Variants in DAPK1 observed in about 807,000 individuals in gnomAD.
DAPK1 encodes the protein death associated protein kinase 1.
DAPK1 carries 56 observed loss-of-function variants against 144.9 expected under a neutral mutation model. That is an observed-to-expected ratio of 0.39 (90% CI 0.31 to 0.48). The LOEUF (loss-of-function observed/expected upper bound fraction) is 0.48, where lower values mean the gene tolerates loss of function less well. Ranked by LOEUF, DAPK1 falls within the 20% of genes least tolerant of loss-of-function variation. The pLI is 0.95. For synonymous variants in DAPK1, 690 were observed against 749.0 expected (o/e 0.92, Z 1.29); for missense variants, 1,454 against 1,875.4 (o/e 0.78, Z 4.15).
chr9:87,605,385 G>A (rs1828679643), intron 3 of DAPK1, among the ~76,000 whole-genome samples: 1 of 152,186 alleles, frequency 6.6e-6, no homozygotes, highest in Non-Finnish European at 1.5e-5. Flanking sequence ...TCCCATCACT[G>A]TGGTTCCACC....
At chr9:87,564,710 A>T (rs1827054706) in intron 2 of DAPK1, among the ~76,000 whole-genome samples, 1 of 152,136 alleles carries the variant, frequency 6.6e-6, no homozygotes, top group Non-Finnish European at 1.5e-5. Flanking sequence ...CATCTTCTTA[A>T]TCTGGAACCA....
intron 16 of DAPK1, 121 bp from the exon 17 acceptor site, chr9:87,651,406 G>A: frequency 2.1e-6 from 2 of 936,682 alleles, no homozygotes; most frequent in Non-Finnish European, 3.4e-6. Flanking sequence ...TCCTCCACTA[G>A]GGCTTTTAGT....
intron 3 of DAPK1, among the ~76,000 whole-genome samples, chr9:87,610,929 C>T (rs75009044): frequency 0.023 from 3,429 of 152,272 alleles, 136 homozygotes; most frequent in African/African-American, 0.078. Flanking sequence ...TGTACACAAT[C>T]CAAATTCTAG....
intron 11 of DAPK1, among the ~76,000 whole-genome samples, chr9:87,644,956 C>A (rs779047777): frequency 6.6e-6 from 1 of 152,176 alleles, no homozygotes; most frequent in African/African-American, 2.4e-5. Context: ...GAAAAGCATT[C>A]TTAAACATGC....
rs748702184 is a variant in DAPK1 at position 87,707,241 on chromosome 9, C to CT, written c.4175dup (p.Leu1392PhefsTer34). On this transcript the variant is annotated frameshift_variant, in exon 26 of 26. Coordinates refer to ENST00000408954, the MANE Select transcript of DAPK1 (RefSeq NM_004938.4). LOFTEE classifies it high-confidence loss of function. The surrounding 1 kb of genome is among the most constrained non-coding windows in gnomAD (Gnocchi z 4.0). The stretch of plus-strand genomic sequence containing the variant: ...AGCTGGGTCGCCGGGATGCCGCAGA[C>CT]TTTTTGCTGAAGGCATCCTCTGTGT... 1 of 1,614,170 alleles carries CT rather than the reference C, an allele frequency of 6.2e-7. No homozygotes were observed. The highest frequency in any genetic ancestry group is 8.5e-7 in the Non-Finnish European group (1 of 1,180,020).
At chr9:87,595,230 G>A (rs1013196746) in intron 2 of DAPK1, among the ~76,000 whole-genome samples, 4 of 152,162 alleles carry the variant, frequency 2.6e-5, no homozygotes, top group South Asian at 2.1e-4. Context: ...GTGAAATGCC[G>A]AATGCTATTG....
chr9:87,592,221 A>C (rs974184026), intron 2 of DAPK1, among the ~76,000 whole-genome samples: 2 of 152,182 alleles, frequency 1.3e-5, no homozygotes, highest in African/African-American at 4.8e-5. Flanking sequence ...CCCCCAGCCC[A>C]CTGCAGATGA....
intron 3 of DAPK1, among the ~76,000 whole-genome samples, chr9:87,613,824 C>T (rs1332235459): frequency 2.0e-5 from 3 of 152,234 alleles, no homozygotes; most frequent in African/African-American, 7.2e-5. Flanking sequence ...AGCACACACT[C>T]AGACTTCCTC....
chr9:87,503,089 C>T (rs146704590), intron 2 of DAPK1, among the ~76,000 whole-genome samples: 251 of 152,236 alleles, frequency 1.6e-3, no homozygotes, highest in African/African-American at 5.0e-3. Context: ...AGTGGGGAGA[C>T]ACCTACCCTG....
intron 2 of DAPK1, among the ~76,000 whole-genome samples, chr9:87,600,650 T>A (rs1828484380): frequency 6.6e-6 from 1 of 152,178 alleles, no homozygotes. Flanking sequence ...AATCCATTAA[T>A]AATAAGGATC....
chr9:87,698,437 T>A, intron 22 of DAPK1: 1 of 453,560 alleles, frequency 2.2e-6, no homozygotes, highest in Non-Finnish European at 3.9e-6. Context: ...GCAATTTTCC[T>A]TGTGGCCTAG....
chr9:87,549,283 T>C (rs747816381), intron 2 of DAPK1, among the ~76,000 whole-genome samples: 5 of 152,208 alleles, frequency 3.3e-5, no homozygotes, highest in Non-Finnish European at 5.9e-5. Context: ...TTCCTTTTTA[T>C]GGCTGCATAG....
Position 87,501,736 on chromosome 9 carries a change from G to A in DAPK1, c.62+2597G>A, listed in dbSNP as rs11141854. 8.0e-3 allele frequency among the ~76,000 whole-genome samples: 1,222 copies of A among 152,254 alleles called. 29 individuals carry two copies. In the East Asian group the frequency reaches 0.085, roughly 11 times the overall value. ...ACTTTTAGGAAAATTGAAAATGTTC[G>A]TATTTGTGTGTACTGCCTAAGACTT... On this transcript the variant is annotated intron_variant, in intron 2 of 25. Coordinates refer to ENST00000408954, the MANE Select transcript of DAPK1 (RefSeq NM_004938.4).
intron 23 of DAPK1, 100 bp downstream of exon 23, chr9:87,698,894 A>G (rs1221748171): frequency 1.4e-6 from 1 of 712,796 alleles, no homozygotes; most frequent in Non-Finnish European, 2.4e-6. Flanking sequence ...CATGAACCAG[A>G]GAAAGGTTTT....
At chr9:87,584,144 A>G (rs1827853194) in intron 2 of DAPK1, among the ~76,000 whole-genome samples, 1 of 152,360 alleles carries the variant, frequency 6.6e-6, no homozygotes, top group Non-Finnish European at 1.5e-5. Context: ...ATGAAATTTA[A>G]CTAATTAATG....
At chr9:87,620,017 G>A (rs1418826412) in intron 3 of DAPK1, among the ~76,000 whole-genome samples, 1 of 150,336 alleles carries the variant, frequency 6.7e-6, no homozygotes, top group Admixed American at 6.6e-5. Flanking sequence ...CCAGACAGAC[G>A]ATGCTGTTGA....
intron 18 of DAPK1, among the ~76,000 whole-genome samples, chr9:87,661,207 C>T (rs940783753): frequency 6.6e-6 from 1 of 152,196 alleles, no homozygotes; most frequent in South Asian, 2.1e-4. Flanking sequence ...AAGTCCAGTC[C>T]TCTGTCGGTG....
At chr9:87,580,802 C>T (rs1715079533) in intron 2 of DAPK1, among the ~76,000 whole-genome samples, 2 of 152,094 alleles carry the variant, frequency 1.3e-5, no homozygotes, top group South Asian at 2.1e-4. Context: ...CACATAGGAC[C>T]GAGCGGTTAA....
At chr9:87,692,927 G>A (rs1406919151) in intron 21 of DAPK1, among the ~76,000 whole-genome samples, 1 of 135,042 alleles carries the variant, frequency 7.4e-6, no homozygotes, top group Non-Finnish European at 1.5e-5. Context: ...TGAGTCTGAC[G>A]GGCGTTCCCT....
Sources: allele counts gnomAD v4.1 joint callset (sites outside exome capture counted in the v4.1 genomes callset), GRCh38; gene constraint gnomAD v4.1.1; non-coding constraint Gnocchi (gnomAD v3.1); transcripts MANE v1.5; gene names NCBI Gene and HGNC (gene_info 2026-07-23, HGNC 2026-07-21).